RPL18A: variants seen among roughly 807,000 people sequenced by gnomAD.
RPL18A encodes large ribosomal subunit protein eL20.
For synonymous variants in RPL18A, 122 were observed against 96.9 expected, an observed-to-expected ratio of 1.26 and a Z score of -1.52; for missense variants, 163 against 254.1, an observed-to-expected ratio of 0.64 and a Z score of 2.44.
Position 17,859,928 on chromosome 19 carries a change from C to A in RPL18A, c.-29C>A, listed in dbSNP as rs911771032. 8 of 1,542,384 alleles carry A rather than the reference C, an allele frequency of 5.2e-6. No homozygotes were observed. Among genetic ancestry groups the A allele is most frequent in the African/African-American group, 1.4e-5 (1 of 71,716 alleles). Reference sequence around the variant, plus strand: ...GCGCGACAGAGGACACTTCCTTTTGCGGGTGGCGGCGAACGCGGAGAGCAC... The same window carrying A: ...GCGCGACAGAGGACACTTCCTTTTGAGGGTGGCGGCGAACGCGGAGAGCAC... On this transcript the variant is annotated 5_prime_UTR_variant, in exon 1 of 5. Transcript: ENST00000222247.
rs151116949 is a variant in RPL18A, at chr19:17,862,239, C to T, written c.328+16C>T. ...ACCCAGTGCTGTAAGCTGCCTGTCC[C>T]GCCTCCAGCTTTTTAGACCCTCCTT... On this transcript the variant is annotated intron_variant, in intron 3 of 4. Transcript: ENST00000222247. 4.7e-4 allele frequency: 760 copies of T among 1,612,128 alleles called. 6 individuals are homozygous for T. Among genetic ancestry groups the T allele is most frequent in the South Asian group, 4.2e-3 (379 of 91,026 alleles).
chr19:17,860,135 G>C (rs752051219), intron 1 of RPL18A, 161 bp downstream of exon 1: 9 of 614,996 alleles, frequency 1.5e-5, no homozygotes, highest in Non-Finnish European at 2.1e-5. Context: ...GGCGGCCATC[G>C]TGGGAGCCGC....
chr19:17,862,036 G>A, intron 2 of RPL18A, 58 bp from the exon 3 acceptor site: 2 of 1,588,256 alleles, frequency 1.3e-6, no homozygotes, highest in Admixed American at 1.7e-5. Context: ...CAGTGAGGAT[G>A]GGGCTAGGGC....
In RPL18A at chr19:17,863,283, G is replaced by C. The variant is rs1161023676; in HGVS notation, c.*20G>C. ...TTCTAGGTGCAGGGCCCTCGTCCGG[G>C]TGTGCCCCAAATAAACTCAGGAACG... On this transcript the variant is annotated 3_prime_UTR_variant, in exon 5 of 5. Coordinates refer to ENST00000222247, the MANE Select transcript of RPL18A (RefSeq NM_000980.4). The C allele has an allele frequency of 6.8e-7, 1 of 1,468,158 alleles. No individual in the cohort carries two copies. Among genetic ancestry groups the C allele is most frequent in the Non-Finnish European group, 9.5e-7 (1 of 1,054,832 alleles). The allele number at this position is 1,468,158 out of a possible 1,614,324, so 90.9% of individuals were successfully genotyped here. A position where few individuals can be genotyped will look rare whatever the true frequency, so the allele number is the denominator to read the frequency against.
chr19:17,862,015 G>C (rs1435012365), intron 2 of RPL18A, 79 bp from the exon 3 acceptor site: 1 of 1,531,982 alleles, frequency 6.5e-7, no homozygotes, highest in African/African-American at 1.4e-5. Context: ...GTGCTTTAGA[G>C]GCAGAGGGTT....
chr19:17,860,068 C>T (rs2094274304), intron 1 of RPL18A, 94 bp downstream of exon 1: 4 of 1,222,152 alleles, frequency 3.3e-6, no homozygotes, highest in Middle Eastern at 2.0e-4. Context: ...TGGTGCCGCG[C>T]GCTTCTGTTT....
chr19:17,861,588 C>T (rs2094277467), intron 2 of RPL18A, 116 bp downstream of exon 2: 2 of 780,414 alleles, frequency 2.6e-6, no homozygotes, highest in South Asian at 3.6e-5. Context: ...CGCCTGTAAT[C>T]CCATCACATC....
chr19:17,861,895 G>T, intron 2 of RPL18A, 199 bp from the exon 3 acceptor site: 1 of 619,114 alleles, frequency 1.6e-6, no homozygotes, highest in South Asian at 2.1e-5. Flanking sequence ...TCAGGCTGTT[G>T]CCATGGGAAG....
At chr19:17,863,119 A>G (rs377595196) in intron 4 of RPL18A, 52 bp from the exon 5 acceptor site, 2 of 1,550,296 alleles carry the variant, frequency 1.3e-6, no homozygotes, top group Admixed American at 1.7e-5. Flanking sequence ...GCCCCACAGG[A>G]TGGGGTGTTA....
chr19:17,862,516 G>A, intron 3 of RPL18A: 6 of 700,938 alleles, frequency 8.6e-6, no homozygotes, highest in South Asian at 7.0e-5. Flanking sequence ...TTGAACCCCT[G>A]CCTAGTGTTG....
intron 1 of RPL18A, among the ~76,000 whole-genome samples, chr19:17,860,572 C>G (rs1232796318): frequency 1.3e-5 from 2 of 152,164 alleles, no homozygotes; most frequent in Non-Finnish European, 2.9e-5. Context: ...TGTGCCGAGG[C>G]CGGTGGGTCA....
At chr19:17,860,912 G>A in intron 1 of RPL18A, 2 of 231,608 alleles carry the variant, frequency 8.6e-6, no homozygotes, top group South Asian at 1.1e-4. Context: ...CAGGGTGAAA[G>A]AAGATGTTGG....
intron 1 of RPL18A, 102 bp from the exon 2 acceptor site, chr19:17,861,188 CCTG>C: frequency 9.0e-7 from 1 of 1,115,518 alleles, no homozygotes; most frequent in Non-Finnish European, 1.3e-6. Context: ...GGCCCTGCCT[CCTG>C]CTTCCCGAAT....
At chr19:17,860,658 A>C (rs2094275641) in intron 1 of RPL18A, 1 of 152,566 alleles carries the variant, frequency 6.6e-6, no homozygotes, top group African/African-American at 2.4e-5. Context: ...CTGGCGAGTC[A>C]GTTTCAGAGG....
rs146289338 is a variant in RPL18A at position 17,863,245 on chromosome 19, G to A, written c.513G>A (p.Arg171=). The part of the protein sequence containing the change: ...RQHKPRFTTK[R]PNTFF ...ACAAGCCACGCTTCACCACCAAGAG[G>A]CCCAACACCTTCTTCTAGGTGCAGG... The change falls in exon 5 of 5, where the codon AGG becomes AGA. Residue 171 remains arginine (R), a synonymous_variant. Coordinates refer to ENST00000222247, the MANE Select transcript of RPL18A (RefSeq NM_000980.4). 1.9e-4 allele frequency: 306 copies of A among 1,598,386 alleles called. No homozygotes were observed. Among genetic ancestry groups the A allele is most frequent in the Non-Finnish European group, 2.3e-4 (269 of 1,167,780 alleles).
chr19:17,862,759 A>G (rs769861819), intron 3 of RPL18A, 159 bp from the exon 4 acceptor site: 7 of 759,544 alleles, frequency 9.2e-6, no homozygotes, highest in African/African-American at 5.1e-5. Flanking sequence ...GCCTTGGGCT[A>G]TCTCGCTTCC....
At position 17,863,191 on chromosome 19, in the gene RPL18A, G is replaced by C; in HGVS notation, c.459G>C (p.Pro153=). ...CACAGGACTCCAAGATCAAGTTCCC[G>C]CTGCCCCACCGGGTCCTGCGCCGTC... ...KQFHDSKIKF[P]LPHRVLRRQH... is the part of the protein sequence containing the mutation. Residue 153 remains proline (P), a synonymous_variant, in exon 5 of 5, where the codon CCG becomes CCC. Coordinates refer to ENST00000222247, the MANE Select transcript of RPL18A (RefSeq NM_000980.4). 11 of 1,612,430 alleles carry C rather than the reference G, an allele frequency of 6.8e-6. No individual in the cohort carries two copies. Among genetic ancestry groups the C allele is most frequent in the Non-Finnish European group, 8.5e-6 (10 of 1,179,478 alleles).
intron 3 of RPL18A, chr19:17,862,518 C>G (rs1470835607): frequency 4.3e-6 from 3 of 702,162 alleles, no homozygotes; most frequent in Non-Finnish European, 7.9e-6. Context: ...GAACCCCTGC[C>G]TAGTGTTGGG....
At chr19:17,862,585 CT>C (rs1398292454) in intron 3 of RPL18A, 1 of 702,420 alleles carries the variant, frequency 1.4e-6, no homozygotes, top group Non-Finnish European at 2.6e-6. Flanking sequence ...CCACACCTCC[CT>C]GATTGCACCT....
Sources: allele counts gnomAD v4.1 joint callset (sites outside exome capture counted in the v4.1 genomes callset), GRCh38; gene constraint gnomAD v4.1.1; transcripts MANE v1.5; gene names NCBI Gene and HGNC (gene_info 2026-07-23, HGNC 2026-07-21).